MAP4K3: variants seen among roughly 807,000 people sequenced by gnomAD.
MAP4K3 encodes mitogen-activated protein kinase kinase kinase kinase 3, also known as MAPK/ERK kinase kinase kinase 3.
Under a neutral mutation model 143.5 loss-of-function variants are expected in MAP4K3, and 94 were observed. The observed-to-expected ratio is 0.65, with a 90% CI of 0.55 to 0.78. The LOEUF is 0.78. Among genes scored for constraint, MAP4K3 ranks in the 30% least tolerant of loss-of-function variants. The pLI is 0.00. For missense variants in MAP4K3, 1,077 were observed against 1,068.1 expected (o/e 1.01, Z -0.12); for synonymous variants, 416 against 347.2 (o/e 1.20, Z -2.20).
chr2:39,285,604 T>C (rs570104094), intron 21 of MAP4K3, among the ~76,000 whole-genome samples: 1 of 152,258 alleles, frequency 6.6e-6, no homozygotes, highest in East Asian at 1.9e-4. Flanking sequence ...AAGAATAATA[T>C]GTCATATTGT....
chr2:39,345,305 A>G lies in MAP4K3; in HGVS notation c.246-1853T>C, dbSNP rs146583080. Among the ~76,000 whole-genome samples, 242 of 150,544 alleles carry G rather than the reference A, an allele frequency of 1.6e-3. 5 individuals are homozygous for G. The East Asian group carries it at 0.022, about 14-fold the overall frequency. On this transcript the variant is annotated intron_variant, in intron 3 of 33. Coordinates refer to ENST00000263881, the MANE Select transcript of MAP4K3 (RefSeq NM_003618.4). ...AGGCAGGGTGCAGGGGGTCGGGGGGAAGGTGCAGGGCGGGGCGGGGCGTAT... is the reference window on the plus strand; with the variant it reads ...AGGCAGGGTGCAGGGGGTCGGGGGGGAGGTGCAGGGCGGGGCGGGGCGTAT...
intron 30 of MAP4K3, 26 bp downstream of exon 30, chr2:39,258,493 T>C (rs765653208): frequency 6.2e-7 from 1 of 1,607,242 alleles, no homozygotes; most frequent in East Asian, 2.2e-5. Context: ...CTTATTAAAG[T>C]AAGACATTCA....
At chr2:39,350,188 A>T (rs1373591837) in intron 3 of MAP4K3, among the ~76,000 whole-genome samples, 2 of 152,246 alleles carry the variant, frequency 1.3e-5, no homozygotes, top group Non-Finnish European at 2.9e-5. Flanking sequence ...ACCCTGGCTT[A>T]AACAAATAAC....
intron 28 of MAP4K3, among the ~76,000 whole-genome samples, chr2:39,262,039 T>C (rs1200020427): frequency 6.6e-6 from 1 of 152,188 alleles, no homozygotes; most frequent in Non-Finnish European, 1.5e-5. Context: ...TTTTATTTAG[T>C]TCATTCTTAT....
chr2:39,419,507 G>T (rs1025505642), intron 1 of MAP4K3, among the ~76,000 whole-genome samples: 1 of 151,952 alleles, frequency 6.6e-6, no homozygotes, highest in African/African-American at 2.4e-5. Context: ...AAACAATACA[G>T]ACCTACTATA....
chr2:39,331,769 C>T, intron 8 of MAP4K3, 148 bp downstream of exon 8: 1 of 461,134 alleles, frequency 2.2e-6, no homozygotes, highest in South Asian at 6.5e-5. Context: ...TGTAATCCAC[C>T]CATAAGTGTA....
intron 26 of MAP4K3, among the ~76,000 whole-genome samples, chr2:39,267,656 A>G (rs1680821079): frequency 6.9e-6 from 1 of 144,858 alleles, no homozygotes; most frequent in South Asian, 2.3e-4. Flanking sequence ...CTGGGCAACA[A>G]CAGAAGAGCA....
chr2:39,312,981 T>C (rs571068569), intron 13 of MAP4K3, among the ~76,000 whole-genome samples: 42 of 152,324 alleles, frequency 2.8e-4, no homozygotes, highest in African/African-American at 9.1e-4. Flanking sequence ...GCCGTGACTA[T>C]AGCAGGTATT....
chr2:39,289,074 C>CA (rs778884959), intron 19 of MAP4K3, among the ~76,000 whole-genome samples: 2 of 151,840 alleles, frequency 1.3e-5, no homozygotes, highest in Non-Finnish European at 2.9e-5. Flanking sequence ...AACAAAAAAA[C>CA]AAAAAACGTT....
intron 1 of MAP4K3, among the ~76,000 whole-genome samples, chr2:39,398,936 C>CG (rs1283694524): frequency 1.3e-5 from 2 of 149,952 alleles, no homozygotes; most frequent in African/African-American, 2.5e-5. Flanking sequence ...TCCAGCTACT[C>CG]GGGAGGCTGA....
Position 39,250,492 on chromosome 2 carries a change from G to T in MAP4K3, c.*126C>A. On this transcript the variant is annotated 3_prime_UTR_variant, in exon 34 of 34. Transcript: ENST00000263881. ...CAAAATTTTCCCCATCTTATCTCATGCCACAATAAATTACAAAGTAACTGA... is the reference window on the plus strand; with the variant it reads ...CAAAATTTTCCCCATCTTATCTCATTCCACAATAAATTACAAAGTAACTGA... 2 of 882,374 alleles carry T rather than the reference G, an allele frequency of 2.3e-6. No individual in the cohort carries two copies. The highest frequency in any genetic ancestry group is 3.4e-6 in the Non-Finnish European group (2 of 592,158). The allele number at this position is 882,374 out of a possible 1,614,324, so 54.7% of individuals were successfully genotyped here.
chr2:39,268,616 C>T (rs1018086816), intron 26 of MAP4K3, among the ~76,000 whole-genome samples: 6 of 134,600 alleles, frequency 4.5e-5, no homozygotes, highest in East Asian at 2.3e-4. Context: ...CCACTGTGCC[C>T]GGCTAAAGAT....
chr2:39,258,619 A>G (rs1260859480), intron 29 of MAP4K3, 32 bp from the exon 30 acceptor site: 8 of 1,408,010 alleles, frequency 5.7e-6, no homozygotes. Context: ...GTAAACCTAC[A>G]GAAACTGTGA....
At chr2:39,271,030 A>G (rs552403387) in intron 26 of MAP4K3, among the ~76,000 whole-genome samples, 2 of 152,242 alleles carry the variant, frequency 1.3e-5, no homozygotes, top group South Asian at 4.2e-4. Flanking sequence ...ATACCCTTAG[A>G]GCTGAACACA....
chr2:39,286,951 G>T lies in MAP4K3; in HGVS notation c.1488C>A (p.Ser496Arg), dbSNP rs1421110475. 1.7e-5 allele frequency: 27 copies of T among 1,600,884 alleles called. No homozygotes were observed. Among genetic ancestry groups the T allele is most frequent in the Non-Finnish European group, 2.1e-5 (25 of 1,172,360 alleles). ...CTCGTTCACCATTTAACTGGAAGGAGCTCATTCCATTTCCTTCAATAAGAT... is the reference window on the plus strand; with the variant it reads ...CTCGTTCACCATTTAACTGGAAGGATCTCATTCCATTTCCTTCAATAAGAT... ...HKPVALGNGM[S>R]SFQLNGERDG... The change falls in exon 21 of 34, where the codon AGC (serine) becomes AGA (arginine). Residue 496 changes from serine to arginine, a missense_variant. Physicochemically the swap from Ser to Arg is moderately radical, Grantham distance 110 (BLOSUM62 -1). Transcript: ENST00000263881.
Position 39,265,186 on chromosome 2 carries a change from C to A in MAP4K3, c.2136+17G>T. ...GCTTTTATAGTAAGAATAAGATAGT[C>A]TGACTTTTATGCTTACCTTAATTAA... On this transcript the variant is annotated intron_variant, in intron 28 of 33. Transcript: ENST00000263881. The A allele has an allele frequency of 2.0e-6, 3 of 1,471,506 alleles. No homozygotes were observed. The highest frequency in any genetic ancestry group is 2.8e-6 in the Non-Finnish European group (3 of 1,053,064). 91.2% of individuals were successfully genotyped at this position (1,471,506 alleles called of 1,614,324 possible).
At chr2:39,281,151 G>T (rs12617901) in intron 22 of MAP4K3, among the ~76,000 whole-genome samples, 1 of 151,994 alleles carries the variant, frequency 6.6e-6, no homozygotes, top group African/African-American at 2.4e-5. Flanking sequence ...AATATTTTTG[G>T]TCAGAGAAAA....
At chr2:39,276,997 A>T (rs1681284576) in intron 24 of MAP4K3, among the ~76,000 whole-genome samples, 2 of 152,250 alleles carry the variant, frequency 1.3e-5, no homozygotes, top group South Asian at 4.1e-4. Context: ...GAACTGTATG[A>T]TATGTGAATT....
At chr2:39,287,528 C>T (rs1681847635) in intron 20 of MAP4K3, among the ~76,000 whole-genome samples, 1 of 152,030 alleles carries the variant, frequency 6.6e-6, no homozygotes. Context: ...GTCTCAAACT[C>T]TTGACCTCAG....
Sources: gnomAD v4.1 joint callset for allele counts (sites outside exome capture counted in the v4.1 genomes callset) on GRCh38, gnomAD v4.1.1 for gene constraint, MANE v1.5 for transcripts, NCBI Gene and HGNC (gene_info 2026-07-23, HGNC 2026-07-21) for gene names.